GFPT2: variants seen among roughly 807,000 people sequenced by gnomAD.
The protein encoded by GFPT2 is glutamine--fructose-6-phosphate transaminase 2.
A neutral mutation model predicts 85.6 loss-of-function variants in GFPT2; 62 were observed. The observed-to-expected ratio is 0.72, with a 90% confidence interval of 0.59 to 0.90. GFPT2 has a LOEUF of 0.90. Ranked by LOEUF, GFPT2 falls within the 40% of genes least tolerant of loss-of-function variation. The pLI is 0.00. For synonymous variants in GFPT2, 368 were observed against 344.5 expected (o/e 1.07, Z -0.75); for missense variants, 788 against 893.4 (o/e 0.88, Z 1.50).
At chr5:180,312,357 G>A (rs1471651572) in intron 15 of GFPT2, 73 bp downstream of exon 15, 1 of 818,032 alleles carries the variant, frequency 1.2e-6, no homozygotes. Context: ...CTGTACAGGT[G>A]AGAGTCAACA....
At chr5:180,324,327 T>G in intron 8 of GFPT2, 22 bp from the exon 9 acceptor site, 1 of 1,293,476 alleles carries the variant, frequency 7.7e-7, no homozygotes, top group South Asian at 1.2e-5. Context: ...AGGAATGGGT[T>G]GCAAATCCCA....
chr5:180,325,601 C>T (rs2127652570), intron 7 of GFPT2, among the ~76,000 whole-genome samples: 2 of 152,340 alleles, frequency 1.3e-5, no homozygotes, highest in Middle Eastern at 6.8e-3. Flanking sequence ...CTCACTCAGG[C>T]CTCCTGTCCC....
intron 13 of GFPT2, among the ~76,000 whole-genome samples, chr5:180,315,867 C>T (rs1763996600): frequency 6.6e-6 from 1 of 152,192 alleles, no homozygotes; most frequent in Admixed American, 6.5e-5. Context: ...CTCCCCCACA[C>T]CTCCCCCTGC....
chr5:180,331,273 G>A, intron 5 of GFPT2: 1 of 567,198 alleles, frequency 1.8e-6, no homozygotes, highest in Non-Finnish European at 3.1e-6. Context: ...GGAATCTGCA[G>A]TGGCCCTTGA....
rs567597101 is a variant in GFPT2 at position 180,328,770 on chromosome 5, C to T, written c.535-432G>A. 1.3e-5 allele frequency among the ~76,000 whole-genome samples: 2 copies of T among 152,364 alleles called. No individual in the cohort carries two copies. Among genetic ancestry groups the T allele is most frequent in the East Asian group, 1.9e-4 (1 of 5,182 alleles). On this transcript the variant is annotated intron_variant, in intron 6 of 18. Coordinates refer to ENST00000253778, the MANE Select transcript of GFPT2 (RefSeq NM_005110.4). This position sits in a 1 kb window ranked among gnomAD's most constrained non-coding sequence, Gnocchi z 5.4. ...GGTTCAAATCCTGGCTCCACCCCTG[C>T]ACTGGGCTCTCCCTTTAGCCTTCTT...
intron 1 of GFPT2, among the ~76,000 whole-genome samples, chr5:180,341,029 G>A (rs972914081): frequency 2.0e-5 from 3 of 152,152 alleles, no homozygotes; most frequent in African/African-American, 7.2e-5. Context: ...TTCCCACAGG[G>A]TCATCCTATG....
At chr5:180,321,006 T>TATAAAAG (rs1169791244) in intron 9 of GFPT2, among the ~76,000 whole-genome samples, 4 of 152,200 alleles carry the variant, frequency 2.6e-5, no homozygotes, top group African/African-American at 9.7e-5. Context: ...GTATGCTTTG[T>TATAAAAG]ATAAAAGTGT....
At position 180,323,336 on chromosome 5, in the gene GFPT2, C is replaced by T. The variant is rs77158085; in HGVS notation, c.794+852G>A. On this transcript the variant is annotated intron_variant, in intron 9 of 18. Coordinates refer to ENST00000253778, the MANE Select transcript of GFPT2 (RefSeq NM_005110.4). This position sits in a 1 kb window ranked among gnomAD's most constrained non-coding sequence, Gnocchi z 4.0. ...TCAGGCCTCGCCTCCCTGTCGCTCC[C>T]GTTTCCCAGGAGACCCGGCCTGGTG... is the stretch of plus-strand genomic sequence containing the variant. Among the ~76,000 whole-genome samples the T allele has an allele frequency of 4.6e-3, 699 of 152,250 alleles. 20 individuals are homozygous for T. The South Asian group carries it at 0.046, about 10-fold the overall frequency.
chr5:180,318,202 G>A lies in GFPT2; in HGVS notation c.958+591C>T, dbSNP rs914979071. On this transcript the variant is annotated intron_variant, in intron 10 of 18. Coordinates refer to ENST00000253778, the MANE Select transcript of GFPT2 (RefSeq NM_005110.4). This position sits in a 1 kb window ranked among gnomAD's most constrained non-coding sequence, Gnocchi z 4.2. ...GGCACAGTGGGACAGAGGGTTGAGT[G>A]TGGTGGGGCCAGGCTTTGGCCCCAC... is the stretch of plus-strand genomic sequence containing the variant. 2.6e-5 allele frequency among the ~76,000 whole-genome samples: 4 copies of A among 152,062 alleles called. No homozygotes were observed. Among genetic ancestry groups the A allele is most frequent in the Admixed American group, 6.5e-5 (1 of 15,272 alleles).
chr5:180,318,721 C>CA lies in GFPT2; in HGVS notation c.958+71dup. Reference sequence around the variant, plus strand: ...GGCTGTGGCCTCTACTAGGACCAGGCAGAGTGTCAGGAGCTCCACCAGGCG... The same window carrying CA: ...GGCTGTGGCCTCTACTAGGACCAGGCAAGAGTGTCAGGAGCTCCACCAGGCG... On this transcript the variant is annotated intron_variant, in intron 10 of 18. Coordinates refer to ENST00000253778, the MANE Select transcript of GFPT2 (RefSeq NM_005110.4). The surrounding 1 kb of genome is among the most constrained non-coding windows in gnomAD (Gnocchi z 4.2). The CA allele has an allele frequency of 3.0e-6, 4 of 1,312,196 alleles. No individual in the cohort carries two copies. The South Asian group carries it at 5.0e-5, about 16-fold the overall frequency. 81.3% of individuals were successfully genotyped at this position (1,312,196 alleles called of 1,614,324 possible). A position where few individuals can be genotyped will look rare whatever the true frequency, so the allele number is the denominator to read the frequency against.
chr5:180,319,409 C>T (rs900178554), intron 9 of GFPT2, among the ~76,000 whole-genome samples: 2 of 152,150 alleles, frequency 1.3e-5, no homozygotes, highest in African/African-American at 2.4e-5. Flanking sequence ...TATTCTGAAT[C>T]GTGAAGGGAA....
intron 15 of GFPT2, among the ~76,000 whole-genome samples, chr5:180,308,829 T>TA (rs1013419317): frequency 2.0e-5 from 3 of 152,086 alleles, no homozygotes; most frequent in African/African-American, 7.2e-5. Context: ...AAATGTTCTT[T>TA]AAAAATCACC....
intron 17 of GFPT2, 33 bp downstream of exon 17, chr5:180,304,739 G>A (rs372830153): frequency 3.0e-5 from 48 of 1,584,436 alleles, no homozygotes; most frequent in Middle Eastern, 2.1e-4. Flanking sequence ...AAAAGCAGGA[G>A]AGAGCTGGCC....
In GFPT2 at chr5:180,307,145, GT is replaced by G; in HGVS notation, c.1674+30del. ...TCAGGGTCTCCTGTGCCTGTCCTCC[GT>G]GGGGGTGGGGGCTGGGGGTGGGGGC... On this transcript the variant is annotated intron_variant, in intron 16 of 18. Coordinates refer to ENST00000253778, the MANE Select transcript of GFPT2 (RefSeq NM_005110.4). 3.3e-6 allele frequency: 5 copies of G among 1,534,290 alleles called. No homozygotes were observed. The South Asian group carries it at 4.8e-5, about 15-fold the overall frequency.
intron 15 of GFPT2, among the ~76,000 whole-genome samples, chr5:180,312,024 AGGCGGGGAGGTGGGGAGGCTGAGG>A (rs1434895863): frequency 0.041 from 3,309 of 80,370 alleles, 716 homozygotes; most frequent in African/African-American, 0.067. Flanking sequence ...GGAGGCAGGG[AGGCGGGGAGGTGGGGAGGCTGAGG>A]GGCAGGGAGG....
At position 180,312,514 on chromosome 5, in the gene GFPT2, T is replaced by C. The variant is rs375030419; in HGVS notation, c.1462A>G (p.Met488Val). 3.1e-6 allele frequency: 5 copies of C among 1,606,334 alleles called. No homozygotes were observed. In the African/African-American group the frequency reaches 5.3e-5, roughly 17 times the overall value. Residue 488 changes from methionine (M) to valine (V), a missense_variant, in exon 15 of 19, where the codon ATG becomes GTG. Coordinates refer to ENST00000253778, the MANE Select transcript of GFPT2 (RefSeq NM_005110.4). ...AYTSQFISLV[M>V]FGLMMSEDRI... ...TCTTCAGACATCATCAAACCAAACA[T>C]CACCAGAGAGATGAACTGACTGGTA...
intron 1 of GFPT2, among the ~76,000 whole-genome samples, chr5:180,347,469 CAGA>C (rs746822333): frequency 1.3e-5 from 2 of 152,172 alleles, no homozygotes; most frequent in Non-Finnish European, 2.9e-5. Flanking sequence ...GGAAAGGTCC[CAGA>C]AGGAGAGGGA....
intron 1 of GFPT2, among the ~76,000 whole-genome samples, 153 bp from the exon 2 acceptor site, chr5:180,338,753 G>A (rs551419039): frequency 5.3e-5 from 8 of 152,332 alleles, no homozygotes; most frequent in Non-Finnish European, 8.8e-5. Context: ...GCTGAAGAAC[G>A]GTGCACCCCT....
intron 1 of GFPT2, 108 bp downstream of exon 1, chr5:180,353,103 C>T: frequency 1.0e-6 from 1 of 966,876 alleles, no homozygotes; most frequent in Non-Finnish European, 1.3e-6. Context: ...GATCGGCGCC[C>T]CCAGCCAGGT....
Sources: allele counts gnomAD v4.1 joint callset (sites outside exome capture counted in the v4.1 genomes callset), GRCh38; gene constraint gnomAD v4.1.1; non-coding constraint Gnocchi (gnomAD v3.1); transcripts MANE v1.5; gene names NCBI Gene and HGNC (gene_info 2026-07-23, HGNC 2026-07-21).